The following ZNF804A variants were observed in gnomAD, a reference collection of about 807,000 sequenced individuals.
ZNF804A encodes zinc finger protein 804A.
ZNF804A carries 2 observed loss-of-function variants against 16.5 expected under a neutral mutation model. That is an observed-to-expected ratio of 0.12 (90% CI 0.05 to 0.38). ZNF804A has a LOEUF of 0.38. ZNF804A is among the 10% of genes least tolerant of loss of function. ZNF804A has a pLI of 0.99. For synonymous variants in ZNF804A, 534 were observed against 489.6 expected, an observed-to-expected ratio of 1.09 and a Z score of -1.20; for missense variants, 1,473 against 1,390.7, an observed-to-expected ratio of 1.06 and a Z score of -0.94.
intron 1 of ZNF804A, among the ~76,000 whole-genome samples, chr2:184,847,634 C>G (rs1459388060): frequency 6.6e-6 from 1 of 152,060 alleles, no homozygotes; most frequent in Non-Finnish European, 1.5e-5. Flanking sequence ...TTTTTCCTCA[C>G]ACTAATTAAT....
At chr2:184,881,936 T>A (rs986699044) in intron 2 of ZNF804A, among the ~76,000 whole-genome samples, 2 of 152,008 alleles carry the variant, frequency 1.3e-5, no homozygotes, top group African/African-American at 4.8e-5. Context: ...AATCTTCACA[T>A]ATCAATACTA....
In ZNF804A at chr2:184,884,173, G is replaced by C. The variant is rs577476421; in HGVS notation, c.255+17661G>C. Among the ~76,000 whole-genome samples the C allele has an allele frequency of 1.5e-4, 23 of 152,138 alleles. No homozygotes were observed. In the East Asian group the frequency reaches 4.4e-3, roughly 29 times the overall value. ...CTATACATCAGCATACAAGCTGAGA[G>C]CCAAATCATGAACACAACACAGTTC... On this transcript the variant is annotated intron_variant, in intron 2 of 3. Transcript: ENST00000302277.
intron 1 of ZNF804A, among the ~76,000 whole-genome samples, chr2:184,778,402 G>A (rs1460234435): frequency 1.3e-5 from 2 of 151,464 alleles, no homozygotes; most frequent in African/African-American, 2.4e-5. Flanking sequence ...GTACATTATA[G>A]TGATGAGAGA....
chr2:184,622,109 C>A (rs540110040), intron 1 of ZNF804A, among the ~76,000 whole-genome samples: 7 of 151,716 alleles, frequency 4.6e-5, no homozygotes, highest in Non-Finnish European at 8.9e-5. Context: ...CAAATTCAGG[C>A]AATCTGTCTT....
At chr2:184,865,453 G>T (rs1695865554) in intron 1 of ZNF804A, among the ~76,000 whole-genome samples, 1 of 152,032 alleles carries the variant, frequency 6.6e-6, no homozygotes, top group Non-Finnish European at 1.5e-5. Context: ...GGAACCAACA[G>T]GTTCAGAGAT....
Position 184,823,430 on chromosome 2 carries a change from T to G in ZNF804A, c.112-42939T>G. Among the ~76,000 whole-genome samples the G allele has an allele frequency of 1.3e-5, 2 of 152,122 alleles. 1 individual carries two copies. The highest frequency in any genetic ancestry group is 3.9e-4 in the East Asian group (2 of 5,188). ...AGTTCTCTGATCACAGAGCAGTGAC[T>G]CTTAAAGTTCAGGAGTTTCTGATCA... On this transcript the variant is annotated intron_variant, in intron 1 of 3. Coordinates refer to ENST00000302277, the MANE Select transcript of ZNF804A (RefSeq NM_194250.2).
At chr2:184,727,076 T>A (rs1693426058) in intron 1 of ZNF804A, among the ~76,000 whole-genome samples, 1 of 151,584 alleles carries the variant, frequency 6.6e-6, no homozygotes, top group Non-Finnish European at 1.5e-5. Context: ...ACATAACATT[T>A]TCTTTGCATT....
At chr2:184,927,677 C>G (rs1304480442) in intron 2 of ZNF804A, among the ~76,000 whole-genome samples, 1 of 152,194 alleles carries the variant, frequency 6.6e-6, no homozygotes, top group Non-Finnish European at 1.5e-5. Context: ...TGTCGCTGAG[C>G]TGGCACTCAA....
intron 1 of ZNF804A, among the ~76,000 whole-genome samples, chr2:184,828,290 A>G (rs796933558): frequency 3.3e-5 from 5 of 152,010 alleles, no homozygotes; most frequent in African/African-American, 7.2e-5. Flanking sequence ...AGAGTCCACA[A>G]ATAGTTTTAT....
chr2:184,761,044 G>T (rs1399927970), intron 1 of ZNF804A, among the ~76,000 whole-genome samples: 2 of 152,034 alleles, frequency 1.3e-5, no homozygotes, highest in Non-Finnish European at 2.9e-5. Flanking sequence ...CAGATAAGCT[G>T]TTAGGCTTTA....
intron 1 of ZNF804A, among the ~76,000 whole-genome samples, chr2:184,630,997 C>A (rs1351714369): frequency 1.3e-5 from 2 of 151,948 alleles, no homozygotes; most frequent in South Asian, 4.1e-4. Flanking sequence ...TATTTTTGGT[C>A]TGTGAAAATA....
At chr2:184,824,728 A>G (rs998188044) in intron 1 of ZNF804A, among the ~76,000 whole-genome samples, 2 of 152,134 alleles carry the variant, frequency 1.3e-5, no homozygotes, top group African/African-American at 4.8e-5. Context: ...TCTCTTGCCT[A>G]TGGTATTACA....
chr2:184,936,759 T>C lies in ZNF804A; in HGVS notation c.1363T>C (p.Tyr455His), dbSNP rs1685794903. The C allele has an allele frequency of 1.2e-6, 2 of 1,613,800 alleles. No homozygotes were observed. The highest frequency in any genetic ancestry group is 1.7e-6 in the Non-Finnish European group (2 of 1,179,918). The change falls in exon 4 of 4, where the codon TAT (tyrosine) becomes CAT (histidine). Residue 455 changes from tyrosine (Y) to histidine (H), a missense_variant. Physicochemically the swap from Tyr to His is moderately conservative, Grantham distance 83. Coordinates refer to ENST00000302277, the MANE Select transcript of ZNF804A (RefSeq NM_194250.2). The stretch of plus-strand genomic sequence containing the variant: ...TACAACTACGAAACCATCAATTTCC[T>C]ATAGCTGTAATCCTCTATGTTTTGA... Reference protein sequence around the residue: ...VYTTTKPSISYSCNPLCFDFK... With the variant: ...VYTTTKPSISHSCNPLCFDFK...
chr2:184,598,787 C>G lies in ZNF804A; in HGVS notation c.-173C>G, dbSNP rs898197744. The G allele has an allele frequency of 1.3e-5, 5 of 386,240 alleles. No individual in the cohort carries two copies. Among genetic ancestry groups the G allele is most frequent in the African/African-American group, 8.5e-5 (4 of 47,258 alleles). The allele number at this position is 386,240 out of a possible 1,614,324, so 23.9% of individuals were successfully genotyped here. On this transcript the variant is annotated 5_prime_UTR_variant, in exon 1 of 4. Transcript: ENST00000302277. Reference sequence around the variant, plus strand: ...CGAGCATGCGGAGGCGGGGGAGCCTCGGCGCTCACCACAGAGGGGTGCAGT... The same window carrying G: ...CGAGCATGCGGAGGCGGGGGAGCCTGGGCGCTCACCACAGAGGGGTGCAGT...
chr2:184,636,135 A>G (rs1460206222), intron 1 of ZNF804A, among the ~76,000 whole-genome samples: 2 of 152,060 alleles, frequency 1.3e-5, no homozygotes, highest in Non-Finnish European at 2.9e-5. Context: ...CCACTGCATA[A>G]ATTGTATAGG....
At chr2:184,744,057 A>T (rs1038717020) in intron 1 of ZNF804A, among the ~76,000 whole-genome samples, 9 of 151,946 alleles carry the variant, frequency 5.9e-5, no homozygotes, top group African/African-American at 2.2e-4. Context: ...TATTACTTAA[A>T]ATAACCACTT....
intron 1 of ZNF804A, among the ~76,000 whole-genome samples, chr2:184,830,727 T>G (rs531950338): frequency 1.6e-4 from 25 of 152,220 alleles, no homozygotes; most frequent in African/African-American, 6.0e-4. Flanking sequence ...CACCAAACTT[T>G]GATATTGATA....
chr2:184,848,352 C>T (rs1186815720), intron 1 of ZNF804A, among the ~76,000 whole-genome samples: 1 of 151,986 alleles, frequency 6.6e-6, no homozygotes, highest in African/African-American at 2.4e-5. Flanking sequence ...TTATGTTGTA[C>T]TCTGTCTCTC....
chr2:184,744,905 C>T (rs74364499), intron 1 of ZNF804A, among the ~76,000 whole-genome samples: 1 of 151,764 alleles, frequency 6.6e-6, no homozygotes, highest in Non-Finnish European at 1.5e-5. Flanking sequence ...GACCTCAAGT[C>T]CTAATCATGT....
Sources: gnomAD v4.1 joint callset for allele counts (sites outside exome capture counted in the v4.1 genomes callset) on GRCh38, gnomAD v4.1.1 for gene constraint, MANE v1.5 for transcripts, NCBI Gene and HGNC (gene_info 2026-07-23, HGNC 2026-07-21) for gene names.